SPOCK3: variants seen among roughly 807,000 people sequenced by gnomAD.
The protein encoded by SPOCK3 is testican-3.
Under a neutral mutation model 56.6 loss-of-function variants are expected in SPOCK3, and 30 were observed. The ratio of observed to expected loss-of-function variants is 0.53; its 90% CI spans 0.40 to 0.72. SPOCK3 has a LOEUF of 0.72. Ranked by LOEUF, SPOCK3 falls within the 30% of genes least tolerant of loss-of-function variation. The pLI is 0.00. For missense variants in SPOCK3, 527 were observed against 530.0 expected, an observed-to-expected ratio of 0.99 and a Z score of 0.06; for synonymous variants, 196 against 183.3, an observed-to-expected ratio of 1.07 and a Z score of -0.56.
At chr4:167,168,556 C>T (rs1730207894) in intron 2 of SPOCK3, among the ~76,000 whole-genome samples, 2 of 152,062 alleles carry the variant, frequency 1.3e-5, no homozygotes, top group Non-Finnish European at 2.9e-5. Flanking sequence ...TTTGCCCCTA[C>T]CCTAGAGATC....
intron 2 of SPOCK3, chr4:167,119,904 G>GA: frequency 7.3e-7 from 1 of 1,375,610 alleles, no homozygotes; most frequent in Non-Finnish European, 9.6e-7. Context: ...AACCAAAAAA[G>GA]AAAAAAGGAA....
chr4:166,806,090 T>C (rs1369291859), intron 6 of SPOCK3, among the ~76,000 whole-genome samples: 1 of 152,112 alleles, frequency 6.6e-6, no homozygotes, highest in Non-Finnish European at 1.5e-5. Context: ...TTAAATTATG[T>C]GATATTGTTA....
At chr4:166,835,113 C>T (rs572330570) in intron 6 of SPOCK3, among the ~76,000 whole-genome samples, 4 of 151,958 alleles carry the variant, frequency 2.6e-5, no homozygotes, top group Non-Finnish European at 4.4e-5. Flanking sequence ...TTAATAGTAA[C>T]GATGTCTTAC....
chr4:167,091,199 A>C (rs781154275), intron 2 of SPOCK3, among the ~76,000 whole-genome samples: 16 of 152,162 alleles, frequency 1.1e-4, no homozygotes, highest in Non-Finnish European at 2.1e-4. Context: ...ACACCAAATA[A>C]AAAATTATAT....
chr4:166,960,390 A>G (rs926871503), intron 4 of SPOCK3, among the ~76,000 whole-genome samples: 12 of 152,202 alleles, frequency 7.9e-5, no homozygotes, highest in African/African-American at 1.9e-4. Context: ...GGTGGGGAAC[A>G]TCATAAAAAA....
chr4:166,806,602 CTACA>C (rs1305703127), intron 6 of SPOCK3, among the ~76,000 whole-genome samples: 1 of 151,708 alleles, frequency 6.6e-6, no homozygotes, highest in Non-Finnish European at 1.5e-5. Flanking sequence ...ACTATTTGTC[CTACA>C]TATATATCAA....
intron 4 of SPOCK3, among the ~76,000 whole-genome samples, chr4:166,968,101 G>A (rs1157513495): frequency 6.6e-6 from 1 of 152,186 alleles, no homozygotes; most frequent in Non-Finnish European, 1.5e-5. Context: ...TTTCTAAGCA[G>A]CAAAGTGTTC....
chr4:167,183,929 T>C (rs935686143), intron 2 of SPOCK3, among the ~76,000 whole-genome samples: 8 of 152,154 alleles, frequency 5.3e-5, no homozygotes, highest in Non-Finnish European at 1.0e-4. Flanking sequence ...TCATAAAACA[T>C]TGATTGAAAA....
chr4:167,041,642 A>G (rs2150201839), intron 3 of SPOCK3, among the ~76,000 whole-genome samples: 1 of 152,324 alleles, frequency 6.6e-6, no homozygotes, highest in East Asian at 1.9e-4. Flanking sequence ...AACAAGGGGC[A>G]AAATCACTAA....
chr4:167,072,596 C>A (rs1259328260), intron 2 of SPOCK3, among the ~76,000 whole-genome samples: 1 of 151,884 alleles, frequency 6.6e-6, no homozygotes, highest in African/African-American at 2.4e-5. Flanking sequence ...TCTTAAAGAA[C>A]ATTAATTTTA....
At position 166,857,236 on chromosome 4, in the gene SPOCK3, G is replaced by C. The variant is rs557959206; in HGVS notation, c.589+31894C>G. Among the ~76,000 whole-genome samples, 9 of 152,218 alleles carry C rather than the reference G, an allele frequency of 5.9e-5. No individual in the cohort carries two copies. In the South Asian group the frequency reaches 1.9e-3, roughly 32 times the overall value. ...GCAGATAGCATGGTCTTCACTCAAC[G>C]GTCAACAAGAGCTGCACTGAGCTCC... is the stretch of plus-strand genomic sequence containing the variant. On this transcript the variant is annotated intron_variant, in intron 6 of 10. Coordinates refer to ENST00000357545, the MANE Select transcript of SPOCK3 (RefSeq NM_001040159.2).
chr4:166,947,552 TA>T (rs1741923504), intron 4 of SPOCK3, among the ~76,000 whole-genome samples: 1 of 152,128 alleles, frequency 6.6e-6, no homozygotes, highest in Non-Finnish European at 1.5e-5. Flanking sequence ...TCTAAGAATG[TA>T]ATATGTTGCT....
intron 6 of SPOCK3, among the ~76,000 whole-genome samples, chr4:166,798,804 G>A (rs1742241530): frequency 6.6e-6 from 1 of 152,148 alleles, no homozygotes; most frequent in Admixed American, 6.5e-5. Context: ...ATGTAAAAGT[G>A]AGTGGTGAGT....
At chr4:166,815,199 G>A (rs1744257063) in intron 6 of SPOCK3, among the ~76,000 whole-genome samples, 1 of 151,712 alleles carries the variant, frequency 6.6e-6, no homozygotes, top group Non-Finnish European at 1.5e-5. Context: ...GATGTACAGG[G>A]AAACCCTTTC....
chr4:167,207,407 A>C (rs768398760), intron 2 of SPOCK3, among the ~76,000 whole-genome samples: 24 of 152,054 alleles, frequency 1.6e-4, no homozygotes, highest in Non-Finnish European at 2.6e-4. Flanking sequence ...CTTTCTAATA[A>C]AAAAACTAAA....
intron 2 of SPOCK3, among the ~76,000 whole-genome samples, chr4:167,070,504 C>T (rs76594455): frequency 0.085 from 12,871 of 151,808 alleles, 712 homozygotes; most frequent in South Asian, 0.17. Flanking sequence ...TTCTGTATTA[C>T]GTGATTATAA....
At position 167,044,445 on chromosome 4, in the gene SPOCK3, A is replaced by ATTAT. The variant is rs1355023090; in HGVS notation, c.235+18046_235+18047insATAA. ...CAATTTAATTGATTTTTACTCTATT[A>ATTAT]TTTTTTTCTCCTTCTTACTTCAGAC... On this transcript the variant is annotated intron_variant, in intron 3 of 10. Coordinates refer to ENST00000357545, the MANE Select transcript of SPOCK3 (RefSeq NM_001040159.2). Among the ~76,000 whole-genome samples the ATTAT allele has an allele frequency of 3.0e-5, 4 of 135,576 alleles. No homozygotes were observed. In the East Asian group the frequency reaches 8.6e-4, roughly 29 times the overall value. The allele number at this position is 135,576 out of a possible 152,430, so 88.9% of individuals were successfully genotyped here.
At chr4:166,962,775 C>A (rs1744280321) in intron 4 of SPOCK3, among the ~76,000 whole-genome samples, 1 of 151,936 alleles carries the variant, frequency 6.6e-6, no homozygotes, top group South Asian at 2.1e-4. Context: ...TATTTTTAAT[C>A]AAAGAACAAA....
rs182908512 is a variant in SPOCK3 at position 166,843,158 on chromosome 4, C to T, written c.589+45972G>A. Among the ~76,000 whole-genome samples, 95 of 152,266 alleles carry T rather than the reference C, an allele frequency of 6.2e-4. 1 individual carries two copies. Among genetic ancestry groups the T allele is most frequent in the African/African-American group, 1.3e-3 (55 of 41,578 alleles). ...CCCACCCAGAACAAGCACTGGCCCG[C>T]GAGTTCCTCTCCCTCCACACCCCCC... On this transcript the variant is annotated intron_variant, in intron 6 of 10. Transcript: ENST00000357545.
Sources: gnomAD v4.1 joint callset for allele counts (sites outside exome capture counted in the v4.1 genomes callset) on GRCh38, gnomAD v4.1.1 for gene constraint, MANE v1.5 for transcripts, NCBI Gene and HGNC (gene_info 2026-07-23, HGNC 2026-07-21) for gene names.